Variants in NRXN3 observed in about 807,000 individuals in gnomAD.
NRXN3 encodes the protein neurexin 3.
A neutral mutation model predicts 137.6 loss-of-function variants in NRXN3; 32 were observed. That is an observed-to-expected ratio of 0.23 (90% CI 0.18 to 0.31). NRXN3 has a LOEUF of 0.31. NRXN3 is among the 10% of genes least tolerant of loss of function. The pLI is 1.00. For missense variants in NRXN3, 1,574 were observed against 2,062.5 expected (o/e 0.76, Z 4.59); for synonymous variants, 798 against 784.5 (o/e 1.02, Z -0.29).
chr14:78,480,332 GT>G (rs2153738232), intron 4 of NRXN3, among the ~76,000 whole-genome samples: 1 of 152,278 alleles, frequency 6.6e-6, no homozygotes, highest in Non-Finnish European at 1.5e-5. Context: ...CACAGCACAG[GT>G]TGTATAAAGG....
At chr14:79,264,415 T>A (rs965874171) in intron 15 of NRXN3, among the ~76,000 whole-genome samples, 1 of 152,268 alleles carries the variant, frequency 6.6e-6, no homozygotes, top group African/African-American at 2.4e-5. Flanking sequence ...TTTCTCACAG[T>A]TTTAGAGGCT....
chr14:78,292,924 A>G (rs2075951909), intron 3 of NRXN3, among the ~76,000 whole-genome samples: 1 of 151,836 alleles, frequency 6.6e-6, no homozygotes, highest in Non-Finnish European at 1.5e-5. Flanking sequence ...ATGCATTTTG[A>G]CCCCGTTTCT....
At chr14:79,219,304 AT>A (rs1170919384) in intron 15 of NRXN3, among the ~76,000 whole-genome samples, 4 of 152,020 alleles carry the variant, frequency 2.6e-5, no homozygotes, top group Admixed American at 2.6e-4. Flanking sequence ...TTATTTATTT[AT>A]TTTTTTGTAG....
At chr14:78,270,826 A>G (rs1235915985) in intron 2 of NRXN3, among the ~76,000 whole-genome samples, 1 of 152,258 alleles carries the variant, frequency 6.6e-6, no homozygotes, top group Non-Finnish European at 1.5e-5. Flanking sequence ...TTCTAATGCA[A>G]TTGATGTATT....
At chr14:78,228,925 G>A (rs1253901617) in intron 1 of NRXN3, among the ~76,000 whole-genome samples, 1 of 152,164 alleles carries the variant, frequency 6.6e-6, no homozygotes, top group Non-Finnish European at 1.5e-5. Context: ...ATGCTCAGAT[G>A]TGTGAGGTTG....
At chr14:78,365,137 A>G (rs746226326) in intron 4 of NRXN3, among the ~76,000 whole-genome samples, 3 of 152,254 alleles carry the variant, frequency 2.0e-5, no homozygotes, top group Middle Eastern at 3.4e-3. Context: ...TAATGTTGCA[A>G]TAGATCATGT....
At chr14:78,591,016 A>G (rs1425803084) in intron 4 of NRXN3, among the ~76,000 whole-genome samples, 3 of 152,330 alleles carry the variant, frequency 2.0e-5, no homozygotes, top group African/African-American at 7.2e-5. Context: ...CTATGTCTGC[A>G]AAAAAGAGGT....
chr14:79,708,991 GAGAGAGAGAC>G (rs2098792534), intron 19 of NRXN3, among the ~76,000 whole-genome samples: 1 of 152,080 alleles, frequency 6.6e-6, no homozygotes, highest in Non-Finnish European at 1.5e-5. Flanking sequence ...GTGAGAGAGA[GAGAGAGAGAC>G]AGGGAGAGAG....
At chr14:78,253,118 G>T (rs923193889) in intron 2 of NRXN3, among the ~76,000 whole-genome samples, 2 of 152,178 alleles carry the variant, frequency 1.3e-5, no homozygotes, top group African/African-American at 2.4e-5. Context: ...CAGTATGTTT[G>T]CTCTGTCTGG....
intron 15 of NRXN3, among the ~76,000 whole-genome samples, chr14:79,130,466 G>T (rs1223325546): frequency 1.3e-5 from 2 of 151,770 alleles, no homozygotes; most frequent in East Asian, 3.9e-4. Context: ...ATGAAATTCT[G>T]GGTTGAAAAT....
intron 10 of NRXN3, among the ~76,000 whole-genome samples, chr14:78,946,765 G>A (rs1454429847): frequency 6.6e-6 from 1 of 152,106 alleles, no homozygotes; most frequent in Non-Finnish European, 1.5e-5. Flanking sequence ...AATTAGTCCT[G>A]TTTGCCAACA....
chr14:78,387,996 T>G (rs1409068058), intron 4 of NRXN3, among the ~76,000 whole-genome samples: 1 of 152,104 alleles, frequency 6.6e-6, no homozygotes, highest in African/African-American at 2.4e-5. Flanking sequence ...AAAGTGTAAT[T>G]TACTCTTAAA....
intron 4 of NRXN3, among the ~76,000 whole-genome samples, chr14:78,473,601 A>G (rs1406995504): frequency 2.0e-5 from 3 of 152,220 alleles, no homozygotes; most frequent in African/African-American, 4.8e-5. Context: ...GCAAATCACC[A>G]TGAAACTTAG....
intron 16 of NRXN3, among the ~76,000 whole-genome samples, chr14:79,498,971 A>G (rs781744535): frequency 3.9e-5 from 6 of 152,148 alleles, no homozygotes; most frequent in Non-Finnish European, 8.8e-5. Context: ...TTCTATAGAA[A>G]TGGAGGTCTC....
chr14:79,749,469 G>A (rs2098990457), intron 19 of NRXN3, among the ~76,000 whole-genome samples: 1 of 149,884 alleles, frequency 6.7e-6, no homozygotes, highest in Non-Finnish European at 1.5e-5. Context: ...GTATTACTAT[G>A]TTGCCCAGGC....
intron 15 of NRXN3, among the ~76,000 whole-genome samples, chr14:79,036,610 T>G (rs1205479672): frequency 0.013 from 1,813 of 145,008 alleles, 52 homozygotes; most frequent in African/African-American, 0.045. Context: ...TTTTTTTTTT[T>G]TTTTTTTTTT....
intron 10 of NRXN3, among the ~76,000 whole-genome samples, chr14:78,948,274 T>C (rs1344926883): frequency 6.6e-6 from 1 of 152,240 alleles, no homozygotes; most frequent in Non-Finnish European, 1.5e-5. Context: ...TCCCAGGATT[T>C]TCTGCTTAAA....
chr14:78,436,824 A>G (rs1035148813), intron 4 of NRXN3, among the ~76,000 whole-genome samples: 43 of 152,276 alleles, frequency 2.8e-4, no homozygotes, highest in African/African-American at 9.9e-4. Flanking sequence ...AAAAACCACC[A>G]CAGGAATCAT....
At chr14:79,695,637 GA>G (rs10585470) in intron 18 of NRXN3, among the ~76,000 whole-genome samples, 5,668 of 88,152 alleles carry the variant, frequency 0.064, 241 homozygotes, top group East Asian at 0.28. Flanking sequence ...AGGGCTTCCA[GA>G]AAAAAAAAAA....
Sources: gnomAD v4.1 joint callset for allele counts (sites outside exome capture counted in the v4.1 genomes callset) on GRCh38, gnomAD v4.1.1 for gene constraint, MANE v1.5 for transcripts, NCBI Gene and HGNC (gene_info 2026-07-23, HGNC 2026-07-21) for gene names.